Variants in DPY19L4 observed in about 807,000 individuals in gnomAD.
DPY19L4 encodes dpy-19 like 4, also known as probable C-mannosyltransferase DPY19L4.
Under a neutral mutation model 102.8 loss-of-function variants are expected in DPY19L4, and 97 were observed. The observed-to-expected ratio is 0.94, with a 90% CI of 0.80 to 1.12. DPY19L4 has a LOEUF of 1.12. Among genes scored for constraint, DPY19L4 ranks in the 50% most tolerant of loss-of-function variants. The probability of loss-of-function intolerance (pLI) is 0.00; values close to 1 mark genes in which losing one functional copy is unlikely to be tolerated. For missense variants in DPY19L4, 815 were observed against 850.4 expected, an observed-to-expected ratio of 0.96 and a Z score of 0.52; for synonymous variants, 252 against 283.1, an observed-to-expected ratio of 0.89 and a Z score of 1.10.
chr8:94,751,244 G>T (rs1217901308), intron 6 of DPY19L4, among the ~76,000 whole-genome samples: 1 of 149,474 alleles, frequency 6.7e-6, no homozygotes, highest in Non-Finnish European at 1.5e-5. Flanking sequence ...TCAGCCTCCC[G>T]AGTAGCTGGG....
At chr8:94,753,908 G>A (rs377750088) in intron 6 of DPY19L4, among the ~76,000 whole-genome samples, 17 of 152,092 alleles carry the variant, frequency 1.1e-4, no homozygotes, top group East Asian at 9.7e-4. Context: ...GCTACCGGGC[G>A]TGGTAGCTCA....
At chr8:94,742,122 G>T (rs1586337495) in intron 6 of DPY19L4, among the ~76,000 whole-genome samples, 2 of 152,306 alleles carry the variant, frequency 1.3e-5, no homozygotes, top group South Asian at 4.1e-4. Flanking sequence ...ACTTTGGGAG[G>T]CTGAGGCAGG....
At chr8:94,730,516 TG>T (rs901693403) in intron 2 of DPY19L4, among the ~76,000 whole-genome samples, 3 of 150,988 alleles carry the variant, frequency 2.0e-5, no homozygotes, top group African/African-American at 4.9e-5. Context: ...GAGGCTGAGG[TG>T]GGGGGATCAC....
chr8:94,764,291 A>G lies in DPY19L4; in HGVS notation c.871-892A>G, dbSNP rs114137893. The stretch of plus-strand genomic sequence containing the variant: ...TCCAGAGAGTTTTAAGAAAACAGTG[A>G]TAAGGGCCGGGTGTGTGGCTCACGC... On this transcript the variant is annotated intron_variant, in intron 8 of 18. Coordinates refer to ENST00000414645, the MANE Select transcript of DPY19L4 (RefSeq NM_181787.3). Among the ~76,000 whole-genome samples the G allele has an allele frequency of 7.4e-3, 1,134 of 152,250 alleles. 6 individuals carry two copies. The highest frequency in any genetic ancestry group is 0.022 in the African/African-American group (895 of 41,552).
intron 6 of DPY19L4, among the ~76,000 whole-genome samples, chr8:94,743,668 T>G (rs1811545359): frequency 2.0e-5 from 3 of 151,698 alleles, no homozygotes; most frequent in Admixed American, 2.0e-4. Context: ...TTGTATTTAA[T>G]ACAAATGATT....
chr8:94,780,259 CT>C, intron 14 of DPY19L4, 99 bp from the exon 15 acceptor site: 1 of 903,852 alleles, frequency 1.1e-6, no homozygotes, highest in African/African-American at 1.7e-5. Context: ...ATTTGTATAA[CT>C]ATAGAGATAT....
intron 6 of DPY19L4, chr8:94,744,732 G>T: frequency 2.8e-6 from 1 of 350,970 alleles, no homozygotes; most frequent in Non-Finnish European, 5.6e-6. Context: ...TCTCTTTAGA[G>T]ATCTTAGTGA....
chr8:94,719,931 G>C lies in DPY19L4; in HGVS notation c.-68G>C. 1 of 1,452,234 alleles carries C rather than the reference G, an allele frequency of 6.9e-7. No homozygotes were observed. Among genetic ancestry groups the C allele is most frequent in the Admixed American group, 2.6e-5 (1 of 38,390 alleles). 90.0% of individuals were successfully genotyped at this position (1,452,234 alleles called of 1,614,324 possible). A position where few individuals can be genotyped will look rare whatever the true frequency, so the allele number is the denominator to read the frequency against. On this transcript the variant is annotated 5_prime_UTR_variant, in exon 1 of 19. Transcript: ENST00000414645. ...GGGCCCCCGGAGGCCGAGGGGTTCG[G>C]CGACGCGGAGGGAGGGAGAGTCTGG...
intron 8 of DPY19L4, among the ~76,000 whole-genome samples, chr8:94,764,689 G>GTGTGTGTGTGTGTGTGTATATA (rs1415377058): frequency 1.4e-4 from 6 of 43,208 alleles, no homozygotes; most frequent in African/African-American, 6.8e-4. Flanking sequence ...GTCTGTGTGT[G>GTGTGTGTGTGTGTGTGTATATA]TATATATATA....
intron 1 of DPY19L4, 139 bp downstream of exon 1, chr8:94,720,153 C>T: frequency 7.2e-7 from 1 of 1,380,066 alleles, no homozygotes; most frequent in Non-Finnish European, 9.4e-7. Context: ...GGAAGGAGCG[C>T]GGCGCCCAGG....
chr8:94,747,219 G>A lies in DPY19L4; in HGVS notation c.611+7429G>A, dbSNP rs552531280. On this transcript the variant is annotated intron_variant, in intron 6 of 18. Coordinates refer to ENST00000414645, the MANE Select transcript of DPY19L4 (RefSeq NM_181787.3). ...CTGGATAACAGGTGTACACCACCAC[G>A]CCCTGCTTTTTTTAGTAAAGGTGGG... Among the ~76,000 whole-genome samples the A allele has an allele frequency of 7.4e-4, 112 of 151,930 alleles. 1 individual carries two copies. Among genetic ancestry groups the A allele is most frequent in the Admixed American group, 1.6e-3 (25 of 15,230 alleles).
At chr8:94,738,142 C>T (rs905163180) in intron 3 of DPY19L4, among the ~76,000 whole-genome samples, 5 of 151,266 alleles carry the variant, frequency 3.3e-5, no homozygotes, top group African/African-American at 1.2e-4. Context: ...CACGGTGAAA[C>T]CCCATCTCTA....
At chr8:94,740,616 G>A (rs1258577329) in intron 6 of DPY19L4, among the ~76,000 whole-genome samples, 3 of 151,940 alleles carry the variant, frequency 2.0e-5, no homozygotes, top group Non-Finnish European at 4.4e-5. Flanking sequence ...CACCAAACCC[G>A]GCTAATTTTT....
intron 6 of DPY19L4, 81 bp downstream of exon 6, chr8:94,739,871 A>G: frequency 1.4e-6 from 2 of 1,414,816 alleles, no homozygotes; most frequent in Non-Finnish European, 1.9e-6. Flanking sequence ...TCCCCTCCCC[A>G]ACAGTCCTCA....
At chr8:94,735,717 G>A (rs771862050) in intron 3 of DPY19L4, among the ~76,000 whole-genome samples, 17 of 152,124 alleles carry the variant, frequency 1.1e-4, no homozygotes, top group African/African-American at 2.9e-4. Context: ...AAAGCTTTGC[G>A]TATGGGTCAG....
At chr8:94,762,114 G>A (rs1437204051) in intron 8 of DPY19L4, among the ~76,000 whole-genome samples, 1 of 152,208 alleles carries the variant, frequency 6.6e-6, no homozygotes, top group Non-Finnish European at 1.5e-5. Context: ...TTATTAAAAT[G>A]TAGAAATGTA....
rs1813905570 is a variant in DPY19L4, at chr8:94,792,189, C to T, written c.*2279C>T. On this transcript the variant is annotated 3_prime_UTR_variant, in exon 19 of 19. Transcript: ENST00000414645. ...TAAAAAATGTTCTTTGCCCTTGATA[C>T]TGCAAACCCACTGATACAAGTGCCT... 2 of 152,060 alleles carry T rather than the reference C, an allele frequency of 1.3e-5. No individual in the cohort carries two copies. Among genetic ancestry groups the T allele is most frequent in the African/African-American group, 4.8e-5 (2 of 41,430 alleles). 9.4% of individuals were successfully genotyped at this position (152,060 alleles called of 1,614,324 possible).
At chr8:94,753,008 CA>C (rs753977641) in intron 6 of DPY19L4, among the ~76,000 whole-genome samples, 10,762 of 117,000 alleles carry the variant, frequency 0.092, 588 homozygotes, top group African/African-American at 0.18. Flanking sequence ...GTATCTTCTG[CA>C]AAAAAAAAAA....
chr8:94,770,411 T>C, intron 12 of DPY19L4, 41 bp from the exon 13 acceptor site: 1 of 1,559,250 alleles, frequency 6.4e-7, no homozygotes, highest in Non-Finnish European at 8.6e-7. Flanking sequence ...TTTTTACAAA[T>C]ACATTTTCAA....
Sources: allele counts gnomAD v4.1 joint callset (sites outside exome capture counted in the v4.1 genomes callset), GRCh38; gene constraint gnomAD v4.1.1; transcripts MANE v1.5; gene names NCBI Gene and HGNC (gene_info 2026-07-23, HGNC 2026-07-21).